The following CAMKMT variants were observed in gnomAD, a reference collection of about 807,000 sequenced individuals.
CAMKMT encodes calmodulin-lysine N-methyltransferase, also known as CaM KMT.
Under a neutral mutation model 48.0 loss-of-function variants are expected in CAMKMT, and 53 were observed. That is an observed-to-expected ratio of 1.10 (90% CI 0.89 to 1.39). CAMKMT has a LOEUF of 1.39. CAMKMT is among the 40% of genes most tolerant of loss of function. The pLI is 0.00. For missense variants in CAMKMT, 428 were observed against 402.7 expected, an observed-to-expected ratio of 1.06 and a Z score of -0.54; for synonymous variants, 165 against 152.3, an observed-to-expected ratio of 1.08 and a Z score of -0.61.
chr2:44,444,304 G>T (rs1284625591), intron 3 of CAMKMT, among the ~76,000 whole-genome samples: 1 of 152,144 alleles, frequency 6.6e-6, no homozygotes, highest in East Asian at 1.9e-4. Context: ...TCTTAGAATT[G>T]TCGGATATGT....
chr2:44,536,394 G>C (rs1666775596), intron 3 of CAMKMT, among the ~76,000 whole-genome samples: 3 of 151,248 alleles, frequency 2.0e-5, no homozygotes. Flanking sequence ...GTGTGATCTT[G>C]GCTCATTGCA....
At chr2:44,422,864 A>G (rs1000965253) in intron 3 of CAMKMT, among the ~76,000 whole-genome samples, 7 of 152,236 alleles carry the variant, frequency 4.6e-5, no homozygotes, top group Middle Eastern at 3.4e-3. Context: ...GAAGAGATAC[A>G]TAGAACCAGT....
Position 44,576,672 on chromosome 2 carries a change from T to A in CAMKMT, c.377-127611T>A, listed in dbSNP as rs1001473798. 9.2e-5 allele frequency among the ~76,000 whole-genome samples: 14 copies of A among 152,150 alleles called. No individual in the cohort carries two copies. The East Asian group carries it at 2.5e-3, about 27-fold the overall frequency. On this transcript the variant is annotated intron_variant, in intron 3 of 10. Coordinates refer to ENST00000378494, the MANE Select transcript of CAMKMT (RefSeq NM_024766.5). ...ACAGGAGTAGGTGAGGACAGTGTGG[T>A]TGGTGAGATTATTCAGGTCTGAGGA... is the stretch of plus-strand genomic sequence containing the variant.
rs542610816 is a variant in CAMKMT at position 44,605,728 on chromosome 2, G to A, written c.377-98555G>A. Among the ~76,000 whole-genome samples the A allele has an allele frequency of 2.0e-5, 3 of 152,212 alleles. No homozygotes were observed. The East Asian group carries it at 5.8e-4, about 29-fold the overall frequency. On this transcript the variant is annotated intron_variant, in intron 3 of 10. Coordinates refer to ENST00000378494, the MANE Select transcript of CAMKMT (RefSeq NM_024766.5). ...ATGGGCAGTGATTGCGAACTCCTTA[G>A]ATTTCAGTTTCTTTGTTGATGATCA...
intron 8 of CAMKMT, among the ~76,000 whole-genome samples, chr2:44,746,892 A>T (rs747742423): frequency 7.2e-5 from 11 of 152,206 alleles, no homozygotes; most frequent in Non-Finnish European, 1.3e-4. Context: ...TTCAATCACA[A>T]TATAATCTAA....
At chr2:44,640,308 G>T (rs1673378988) in intron 3 of CAMKMT, among the ~76,000 whole-genome samples, 1 of 152,120 alleles carries the variant, frequency 6.6e-6, no homozygotes, top group Non-Finnish European at 1.5e-5. Flanking sequence ...CTATGATTTT[G>T]TTCCCCTTTT....
intron 3 of CAMKMT, among the ~76,000 whole-genome samples, chr2:44,439,773 G>A (rs1173927799): frequency 6.6e-6 from 1 of 150,758 alleles, no homozygotes; most frequent in African/African-American, 2.5e-5. Flanking sequence ...GGGAGAGCAA[G>A]ACTCCATCTC....
intron 3 of CAMKMT, among the ~76,000 whole-genome samples, chr2:44,425,580 ATTT>A (rs1238130860): frequency 6.7e-6 from 1 of 148,446 alleles, no homozygotes; most frequent in African/African-American, 2.4e-5. Flanking sequence ...TCCTTCAATT[ATTT>A]TTTTCTTTTT....
At chr2:44,369,530 G>C (rs1404126676) in intron 1 of CAMKMT, among the ~76,000 whole-genome samples, 3 of 152,156 alleles carry the variant, frequency 2.0e-5, no homozygotes, top group Non-Finnish European at 2.9e-5. Context: ...GTGAATCCCA[G>C]AACAACAGAG....
intron 3 of CAMKMT, among the ~76,000 whole-genome samples, chr2:44,647,711 C>T (rs539769024): frequency 6.6e-6 from 1 of 151,982 alleles, no homozygotes; most frequent in South Asian, 2.1e-4. Flanking sequence ...CAAGACCATC[C>T]TGGCTAACAC....
chr2:44,390,138 C>A, intron 2 of CAMKMT, 103 bp from the exon 3 acceptor site: 1 of 760,232 alleles, frequency 1.3e-6, no homozygotes, highest in South Asian at 1.6e-5. Flanking sequence ...TAATTTATTG[C>A]TATTGGGTAT....
rs1558844484 is a variant in CAMKMT at position 44,768,363 on chromosome 2, T to TATATATATATATA, written c.894+1802_894+1803insATATATATATATA. Reference sequence around the variant, plus strand: ...CCATGATATATATATATATATATATTTTTTTTTTTTTTTTAATAATGAGAG... The same window carrying TATATATATATATA: ...CCATGATATATATATATATATATATTATATATATATATATTTTTTTTTTTTTTAATAATGAGAG... On this transcript the variant is annotated intron_variant, in intron 10 of 10. Transcript: ENST00000378494. Among the ~76,000 whole-genome samples, 356 of 71,856 alleles carry TATATATATATATA rather than the reference T, an allele frequency of 5.0e-3. 1 individual carries two copies. Among genetic ancestry groups the TATATATATATATA allele is most frequent in the Non-Finnish European group, 6.6e-3 (235 of 35,628 alleles). 47.1% of individuals were successfully genotyped at this position (71,856 alleles called of 152,430 possible).
intron 9 of CAMKMT, among the ~76,000 whole-genome samples, chr2:44,756,129 C>G (rs1680367600): frequency 6.6e-6 from 1 of 152,224 alleles, no homozygotes; most frequent in Non-Finnish European, 1.5e-5. Flanking sequence ...CAGTTGTCCT[C>G]CCTGAGCCTC....
rs548264485 is a variant in CAMKMT at position 44,668,631 on chromosome 2, A to G, written c.377-35652A>G. On this transcript the variant is annotated intron_variant, in intron 3 of 10. Transcript: ENST00000378494. ...CTTATTTTTCTTTACTTTTTTTGAA[A>G]TACACATACAAGACAGCATATATAA... 6.6e-5 allele frequency among the ~76,000 whole-genome samples: 10 copies of G among 152,280 alleles called. No individual in the cohort carries two copies. In the South Asian group the frequency reaches 2.1e-3, roughly 32 times the overall value.
chr2:44,674,973 T>C (rs1245341794), intron 3 of CAMKMT, among the ~76,000 whole-genome samples: 1 of 151,962 alleles, frequency 6.6e-6, no homozygotes, highest in Non-Finnish European at 1.5e-5. Flanking sequence ...AGCTAAATCC[T>C]CTCCCTGTGG....
intron 3 of CAMKMT, among the ~76,000 whole-genome samples, chr2:44,587,925 C>T (rs1238448601): frequency 3.8e-5 from 4 of 105,734 alleles, no homozygotes; most frequent in African/African-American, 1.4e-4. Context: ...AGGAGCGTCT[C>T]TGCCTGGTCC....
rs149279366 is a variant in CAMKMT, at chr2:44,404,858, T to C, written c.376+14553T>C. Among the ~76,000 whole-genome samples the C allele has an allele frequency of 1.9e-4, 29 of 152,186 alleles. No individual in the cohort carries two copies. In the East Asian group the frequency reaches 5.4e-3, roughly 28 times the overall value. ...GCTTAGTGGAAGGAGGAAGTGAATA[T>C]TAAGAGTGTCTTTTTAAAAAAAGAT... is the stretch of plus-strand genomic sequence containing the variant. On this transcript the variant is annotated intron_variant, in intron 3 of 10. Transcript: ENST00000378494.
intron 7 of CAMKMT, among the ~76,000 whole-genome samples, chr2:44,728,664 T>C (rs1678918963): frequency 6.6e-6 from 1 of 152,188 alleles, no homozygotes; most frequent in Admixed American, 6.5e-5. Flanking sequence ...CTTCCAGGAA[T>C]GTATCCATTT....
intron 2 of CAMKMT, among the ~76,000 whole-genome samples, chr2:44,387,626 G>T (rs1226130999): frequency 6.6e-6 from 1 of 152,024 alleles, no homozygotes; most frequent in Non-Finnish European, 1.5e-5. Context: ...TATAGGTCCT[G>T]TGTGATTTAT....
Sources: gnomAD v4.1 joint callset for allele counts (sites outside exome capture counted in the v4.1 genomes callset) on GRCh38, gnomAD v4.1.1 for gene constraint, MANE v1.5 for transcripts, NCBI Gene and HGNC (gene_info 2026-07-23, HGNC 2026-07-21) for gene names.